The following CREB1 variants were observed in gnomAD, a reference collection of about 807,000 sequenced individuals.
The protein encoded by CREB1 is cAMP responsive element binding protein 1, also known as cyclic AMP-responsive element-binding protein 1.
A neutral mutation model predicts 42.0 loss-of-function variants in CREB1; 2 were observed. That is an observed-to-expected ratio of 0.05 (90% CI 0.02 to 0.15). The LOEUF is 0.15. CREB1 is among the 10% of genes least tolerant of loss of function. The pLI, the probability that CREB1 is intolerant of heterozygous loss-of-function variation, is 1.00. For missense variants in CREB1, 199 were observed against 388.9 expected, an observed-to-expected ratio of 0.51 and a Z score of 4.11; for synonymous variants, 123 against 139.9, an observed-to-expected ratio of 0.88 and a Z score of 0.85.
At chr2:207,591,103 T>C (rs1403549290) in intron 7 of CREB1, among the ~76,000 whole-genome samples, 1 of 152,212 alleles carries the variant, frequency 6.6e-6, no homozygotes, top group African/African-American at 2.4e-5. Context: ...ATCATATCAA[T>C]GTCAGATAGG....
At chr2:207,562,849 A>G (rs897454485) in intron 3 of CREB1, among the ~76,000 whole-genome samples, 1 of 152,208 alleles carries the variant, frequency 6.6e-6, no homozygotes, top group African/African-American at 2.4e-5. Context: ...AGAATAGATT[A>G]TTACTTTAAA....
At chr2:207,535,493 T>C (rs2080831382) in intron 1 of CREB1, among the ~76,000 whole-genome samples, 1 of 152,234 alleles carries the variant, frequency 6.6e-6, no homozygotes, top group South Asian at 2.1e-4. Flanking sequence ...ATACTAGATT[T>C]CTCCCTGCAT....
intron 1 of CREB1, among the ~76,000 whole-genome samples, chr2:207,532,336 AAAAG>A (rs765721679): frequency 9.1e-4 from 136 of 149,032 alleles, no homozygotes; most frequent in Non-Finnish European, 9.6e-4. Flanking sequence ...AAAAAAAAAA[AAAAG>A]AAAGAATATA....
In CREB1 at chr2:207,603,280, G is replaced by T; in HGVS notation, c.*6222G>T. The T allele has an allele frequency of 4.5e-6, 1 of 221,782 alleles. No homozygotes were observed. The allele number at this position is 221,782 out of a possible 1,614,324, so 13.7% of individuals were successfully genotyped here. A position where few individuals can be genotyped will look rare whatever the true frequency, so the allele number is the denominator to read the frequency against. Reference sequence around the variant, plus strand: ...CTGCTTTGTGTTCAGAATAGTAGCAGTTGCTTTGTATATTAAAGTGATCCT... The same window carrying T: ...CTGCTTTGTGTTCAGAATAGTAGCATTTGCTTTGTATATTAAAGTGATCCT... On this transcript the variant is annotated 3_prime_UTR_variant, in exon 8 of 8. Transcript: ENST00000353267.
At chr2:207,540,892 A>G (rs1332790619) in intron 1 of CREB1, among the ~76,000 whole-genome samples, 1 of 152,170 alleles carries the variant, frequency 6.6e-6, no homozygotes, top group Non-Finnish European at 1.5e-5. Context: ...CGGTTAATGT[A>G]TTACTGATGA....
intron 7 of CREB1, chr2:207,581,838 T>TC (rs1310902701): frequency 4.3e-6 from 3 of 702,766 alleles, no homozygotes; most frequent in Admixed American, 4.0e-5. Context: ...ATAGTCTCCT[T>TC]CAGTCTGTGA....
chr2:207,593,585 G>A (rs1032504751), intron 7 of CREB1, among the ~76,000 whole-genome samples: 1 of 152,080 alleles, frequency 6.6e-6, no homozygotes, highest in African/African-American at 2.4e-5. Flanking sequence ...GTTACATGAG[G>A]ATGAAGACAT....
intron 1 of CREB1, among the ~76,000 whole-genome samples, chr2:207,537,009 G>T (rs935080854): frequency 6.6e-6 from 1 of 151,788 alleles, no homozygotes; most frequent in African/African-American, 2.4e-5. Context: ...ATATTACTGT[G>T]TGCTATTTGT....
chr2:207,569,222 T>TA (rs967543923), intron 4 of CREB1, among the ~76,000 whole-genome samples: 12 of 152,190 alleles, frequency 7.9e-5, no homozygotes, highest in African/African-American at 2.9e-4. Flanking sequence ...ATTTTGCAGT[T>TA]ACAAACAGTG....
chr2:207,570,036 A>C lies in CREB1; in HGVS notation c.363-143A>C, dbSNP rs1452401404. 3 of 539,214 alleles carry C rather than the reference A, an allele frequency of 5.6e-6. No homozygotes were observed. The East Asian group carries it at 1.1e-4, about 19-fold the overall frequency. The allele number at this position is 539,214 out of a possible 1,614,324, so 33.4% of individuals were successfully genotyped here. On this transcript the variant is annotated intron_variant, in intron 4 of 7. Transcript: ENST00000353267. Reference sequence around the variant, plus strand: ...CAGCCTGGCGACAGAGCAAGACTCCATCTCAAAAAAAAAAAAAAAAAAAAA... The same window carrying C: ...CAGCCTGGCGACAGAGCAAGACTCCCTCTCAAAAAAAAAAAAAAAAAAAAA...
At chr2:207,584,989 G>A (rs553581850) in intron 7 of CREB1, among the ~76,000 whole-genome samples, 4 of 151,674 alleles carry the variant, frequency 2.6e-5, no homozygotes, top group Non-Finnish European at 5.9e-5. Context: ...TTTCTGCCTG[G>A]ATAGGCCCAG....
rs1200906661 is a variant in CREB1 at position 207,604,955 on chromosome 2, AT to A, written c.*7898del. 6.6e-6 allele frequency among the ~76,000 whole-genome samples: 1 copy of A among 152,212 alleles called. No homozygotes were observed. Among genetic ancestry groups the A allele is most frequent in the Non-Finnish European group, 1.5e-5 (1 of 68,036 alleles). Reference sequence around the variant, plus strand: ...TTTTATAGTAAGTATGCCATTGTAGATATATACCACAAGTTTATCGATTCAT... The same window carrying A: ...TTTTATAGTAAGTATGCCATTGTAGAATATACCACAAGTTTATCGATTCAT... On this transcript the variant is annotated 3_prime_UTR_variant, in exon 8 of 8. Coordinates refer to ENST00000353267, the MANE Select transcript of CREB1 (RefSeq NM_004379.5).
chr2:207,577,514 G>A lies in CREB1; in HGVS notation c.698G>A (p.Gly233Glu). ...SNQVVVQAASGDVQTYQIRTA... is the reference protein window; with the variant it reads ...SNQVVVQAASEDVQTYQIRTA... ...TCACTGTTTTTTTCAGCTGCCTCTG[G>A]AGACGTACAAACATACCAGATTCGC... Residue 233 changes from glycine to glutamate, a missense_variant, in exon 7 of 8, where the codon GGA becomes GAA. Gly to Glu is a moderately conservative substitution (Grantham distance 98). This residue lies in a region of CREB1 where 66 missense variants were observed against 88.1 expected (regional missense o/e 0.75). Coordinates refer to ENST00000353267, the MANE Select transcript of CREB1 (RefSeq NM_004379.5). The A allele has an allele frequency of 6.2e-7, 1 of 1,613,690 alleles. No homozygotes were observed. The highest frequency in any genetic ancestry group is 8.5e-7 in the Non-Finnish European group (1 of 1,179,836).
At chr2:207,541,282 G>A (rs2081090035) in intron 1 of CREB1, among the ~76,000 whole-genome samples, 1 of 152,092 alleles carries the variant, frequency 6.6e-6, no homozygotes, top group South Asian at 2.1e-4. Context: ...GTACAGTAAT[G>A]TTGTAGGCCT....
intron 2 of CREB1, among the ~76,000 whole-genome samples, chr2:207,556,566 C>G (rs1174502273): frequency 2.0e-5 from 3 of 152,178 alleles, no homozygotes; most frequent in African/African-American, 7.2e-5. Context: ...AAATAGAGGA[C>G]TCACCACACT....
At chr2:207,558,224 T>C (rs1187137432) in intron 2 of CREB1, among the ~76,000 whole-genome samples, 3 of 152,198 alleles carry the variant, frequency 2.0e-5, no homozygotes, top group African/African-American at 4.8e-5. Flanking sequence ...TATAGGGATC[T>C]TCCCCCCAGG....
intron 7 of CREB1, 104 bp downstream of exon 7, chr2:207,577,759 A>T (rs1206406552): frequency 5.9e-6 from 8 of 1,352,290 alleles, no homozygotes; most frequent in Non-Finnish European, 6.1e-6. Context: ...TTTGCATTGA[A>T]TTTTTTTTTT....
At chr2:207,555,940 A>G (rs3730300) in intron 2 of CREB1, among the ~76,000 whole-genome samples, 191 bp downstream of exon 2, 1,818 of 152,334 alleles carry the variant, frequency 0.012, 33 homozygotes, top group African/African-American at 0.041. Flanking sequence ...AGTAAAATGT[A>G]TTATTAAACA....
chr2:207,533,195 T>G (rs2080724974), intron 1 of CREB1, among the ~76,000 whole-genome samples: 1 of 149,862 alleles, frequency 6.7e-6, no homozygotes, highest in Non-Finnish European at 1.5e-5. Flanking sequence ...AAAACTTAAG[T>G]GTTACCTGTT....
Sources: gnomAD v4.1 joint callset for allele counts (sites outside exome capture counted in the v4.1 genomes callset) on GRCh38, gnomAD v4.1.1 for gene constraint, gnomAD v4.1.1 regional missense constraint, MANE v1.5 for transcripts, NCBI Gene and HGNC (gene_info 2026-07-23, HGNC 2026-07-21) for gene names.